ABTB3: variants seen among roughly 807,000 people sequenced by gnomAD.
ABTB3 encodes ankyrin repeat and BTB domain containing 3.
At chr12:107,596,852 C>T in the ABTB3 span, among the ~76,000 whole-genome samples, 1 of 152,148 alleles carries the variant, frequency 6.6e-6, no homozygotes, top group African/African-American at 2.4e-5. Flanking sequence ...GTGTAGCTTT[C>T]CCCGTGGCTC....
At chr12:107,521,588 C>T in the ABTB3 span, among the ~76,000 whole-genome samples, 1 of 152,106 alleles carries the variant, frequency 6.6e-6, no homozygotes, top group African/African-American at 2.4e-5. Context: ...CATCTCTCCT[C>T]TGTTCAGAGT....
chr12:107,376,851 C>A, the ABTB3 span, among the ~76,000 whole-genome samples: 1 of 152,190 alleles, frequency 6.6e-6, no homozygotes, highest in Non-Finnish European at 1.5e-5. Context: ...GTGCTCTCAG[C>A]AGCCCTGTTG....
At chr12:107,427,810 G>A in the ABTB3 span, among the ~76,000 whole-genome samples, 12 of 152,278 alleles carry the variant, frequency 7.9e-5, no homozygotes, top group South Asian at 2.1e-4. Flanking sequence ...AATGCTGACC[G>A]TCAAAATGGA....
chr12:107,544,028 T>C, the ABTB3 span: 1 of 1,614,000 alleles, frequency 6.2e-7, no homozygotes, highest in Non-Finnish European at 8.5e-7. Context: ...CAGGGGGCAC[T>C]GTACTGGGAG....
At chr12:107,503,594 C>CA in the ABTB3 span, among the ~76,000 whole-genome samples, 7 of 151,406 alleles carry the variant, frequency 4.6e-5, no homozygotes, top group South Asian at 1.2e-3. Context: ...CCCGTCTATA[C>CA]AAAAAATCAA....
At chr12:107,552,884 G>A in the ABTB3 span, among the ~76,000 whole-genome samples, 1 of 152,186 alleles carries the variant, frequency 6.6e-6, no homozygotes, top group Non-Finnish European at 1.5e-5. Context: ...TAAATGATCA[G>A]TGCATAGCAT....
the ABTB3 span, among the ~76,000 whole-genome samples, chr12:107,655,912 G>T: frequency 6.6e-6 from 1 of 152,144 alleles, no homozygotes; most frequent in African/African-American, 2.4e-5. Context: ...AAAGAACACA[G>T]GTTTGGAAAC....
chr12:107,585,508 C>T, the ABTB3 span, among the ~76,000 whole-genome samples: 2 of 152,232 alleles, frequency 1.3e-5, no homozygotes, highest in Admixed American at 6.5e-5. Flanking sequence ...CCTCCCCCAT[C>T]TCACAGGGCT....
chr12:107,347,136 G>C, the ABTB3 span, among the ~76,000 whole-genome samples: 1 of 152,120 alleles, frequency 6.6e-6, no homozygotes, highest in Non-Finnish European at 1.5e-5. Context: ...AGCTTTAGCT[G>C]ATTACATTTT....
At chr12:107,555,218 G>C in the ABTB3 span, among the ~76,000 whole-genome samples, 1 of 152,194 alleles carries the variant, frequency 6.6e-6, no homozygotes, top group African/African-American at 2.4e-5. Flanking sequence ...GAAAAGGTGA[G>C]GCAGGATTAG....
At chr12:107,608,538 G>C in the ABTB3 span, among the ~76,000 whole-genome samples, 7 of 152,108 alleles carry the variant, frequency 4.6e-5, no homozygotes, top group African/African-American at 1.7e-4. Flanking sequence ...TACTGGCCCT[G>C]CTCAAAGCTT....
At chr12:107,494,088 A>G in the ABTB3 span, among the ~76,000 whole-genome samples, 1 of 152,216 alleles carries the variant, frequency 6.6e-6, no homozygotes, top group Non-Finnish European at 1.5e-5. Context: ...ACTTTACAAA[A>G]ATAGGAATTG....
At chr12:107,500,199 C>T in the ABTB3 span, among the ~76,000 whole-genome samples, 7 of 152,170 alleles carry the variant, frequency 4.6e-5, no homozygotes, top group Non-Finnish European at 7.3e-5. Context: ...GATCCTGCTG[C>T]GCTGAGGCCT....
the ABTB3 span, among the ~76,000 whole-genome samples, chr12:107,476,078 T>G: frequency 6.6e-6 from 1 of 152,298 alleles, no homozygotes. Context: ...CCTGATTTGC[T>G]TATTTTGCAG....
chr12:107,609,046 G>C, the ABTB3 span, among the ~76,000 whole-genome samples: 1 of 151,790 alleles, frequency 6.6e-6, no homozygotes. Context: ...TCTCCCCCAC[G>C]AAGGCTTGCT....
chr12:107,462,677 ATGATGGTAG>A, the ABTB3 span, among the ~76,000 whole-genome samples: 1 of 151,834 alleles, frequency 6.6e-6, no homozygotes, highest in Non-Finnish European at 1.5e-5. Context: ...GATAGTGATG[ATGATGGTAG>A]TGATGGTGAT....
the ABTB3 span, among the ~76,000 whole-genome samples, chr12:107,549,030 C>T: frequency 6.6e-6 from 1 of 152,190 alleles, no homozygotes; most frequent in African/African-American, 2.4e-5. Flanking sequence ...TCACTGAAAA[C>T]AAACCAGAAT....
the ABTB3 span, among the ~76,000 whole-genome samples, chr12:107,488,630 C>A: frequency 6.6e-6 from 1 of 151,006 alleles, no homozygotes; most frequent in Admixed American, 6.6e-5. Context: ...AGCAAGGAAG[C>A]AATCAAAACT....
chr12:107,642,687 G>T, the ABTB3 span, among the ~76,000 whole-genome samples: 1 of 152,150 alleles, frequency 6.6e-6, no homozygotes, highest in Non-Finnish European at 1.5e-5. Context: ...CAAAACTTTG[G>T]TTGAGCTCAG....
Sources: allele counts gnomAD v4.1 joint callset (sites outside exome capture counted in the v4.1 genomes callset), GRCh38; gene constraint gnomAD v4.1.1; transcripts MANE v1.5; gene names NCBI Gene and HGNC (gene_info 2026-07-23, HGNC 2026-07-21).